The following UNC5D variants were observed in gnomAD, a reference collection of about 807,000 sequenced individuals.
UNC5D encodes unc-5 netrin receptor D.
A neutral mutation model predicts 105.4 loss-of-function variants in UNC5D; 39 were observed. That is an observed-to-expected ratio of 0.37 (90% CI 0.29 to 0.48). The LOEUF (loss-of-function observed/expected upper bound fraction) is 0.48, where lower values mean the gene tolerates loss of function less well. Ranked by LOEUF, UNC5D falls within the 20% of genes least tolerant of loss-of-function variation. The pLI, the probability that UNC5D is intolerant of heterozygous loss-of-function variation, is 0.98. For synonymous variants in UNC5D, 452 were observed against 450.4 expected (o/e 1.00, Z -0.04); for missense variants, 991 against 1,202.4 (o/e 0.82, Z 2.60).
intron 3 of UNC5D, 22 bp from the exon 4 acceptor site, chr8:35,595,532 C>A: frequency 6.2e-7 from 1 of 1,609,932 alleles, no homozygotes; most frequent in Middle Eastern, 1.7e-4. Context: ...CAAAGTGTCA[C>A]CTATCTCATG....
chr8:35,613,081 C>G (rs1563592193), intron 4 of UNC5D, among the ~76,000 whole-genome samples: 1 of 152,014 alleles, frequency 6.6e-6, no homozygotes, highest in Non-Finnish European at 1.5e-5. Context: ...TGGTTGTGAG[C>G]TCTGTATTTT....
chr8:35,728,832 T>C (rs1829035734), intron 10 of UNC5D, among the ~76,000 whole-genome samples: 2 of 152,192 alleles, frequency 1.3e-5, no homozygotes, highest in South Asian at 4.1e-4. Context: ...AATAAAAGGC[T>C]GTCAGGGTAG....
chr8:35,250,316 A>G (rs1160301324), intron 1 of UNC5D, among the ~76,000 whole-genome samples: 2 of 152,128 alleles, frequency 1.3e-5, no homozygotes. Flanking sequence ...GTTGTTCCCA[A>G]TTTGGGAACT....
At chr8:35,612,835 C>T (rs1391445021) in intron 4 of UNC5D, among the ~76,000 whole-genome samples, 5 of 140,178 alleles carry the variant, frequency 3.6e-5, no homozygotes, top group African/African-American at 5.4e-5. Flanking sequence ...GGATATCTGT[C>T]ATGTTTTCCA....
chr8:35,562,416 T>C (rs1817028376), intron 2 of UNC5D, among the ~76,000 whole-genome samples: 1 of 152,158 alleles, frequency 6.6e-6, no homozygotes, highest in African/African-American at 2.4e-5. Flanking sequence ...TTATACTGTC[T>C]TCTATAGTGA....
chr8:35,437,101 G>A (rs1471260266), intron 1 of UNC5D, among the ~76,000 whole-genome samples: 2 of 151,754 alleles, frequency 1.3e-5, no homozygotes, highest in Non-Finnish European at 2.9e-5. Context: ...AGCTTCATGA[G>A]CACCTGGGAT....
In UNC5D at chr8:35,711,173, G is replaced by GTTTTGTTTT. The variant is rs549700013; in HGVS notation, c.1117+5213_1117+5221dup. On this transcript the variant is annotated intron_variant, in intron 8 of 16. Coordinates refer to ENST00000404895, the MANE Select transcript of UNC5D (RefSeq NM_080872.4). ...GATCTGGTCCCGGCTTTCTGTTTTTGTTTTGTTTTGTTTTGTTTTGTTTTG... is the reference window on the plus strand; with the variant it reads ...GATCTGGTCCCGGCTTTCTGTTTTTGTTTTGTTTTTTTTGTTTTGTTTTGTTTTGTTTTG... 4.0e-5 allele frequency among the ~76,000 whole-genome samples: 6 copies of GTTTTGTTTT among 149,468 alleles called. No individual in the cohort carries two copies. In the South Asian group the frequency reaches 6.4e-4, roughly 16 times the overall value.
intron 1 of UNC5D, among the ~76,000 whole-genome samples, chr8:35,495,605 G>C (rs1381361484): frequency 6.6e-6 from 1 of 151,926 alleles, no homozygotes; most frequent in Non-Finnish European, 1.5e-5. Flanking sequence ...GCTAATTTCT[G>C]CCTGACTTAT....
intron 1 of UNC5D, among the ~76,000 whole-genome samples, chr8:35,267,667 G>A (rs764572651): frequency 3.3e-5 from 5 of 152,088 alleles, no homozygotes; most frequent in Admixed American, 2.0e-4. Flanking sequence ...TTGAACTCCT[G>A]ACCTTGTAAT....
chr8:35,710,240 G>C (rs1024474304), intron 8 of UNC5D, among the ~76,000 whole-genome samples: 2 of 152,128 alleles, frequency 1.3e-5, no homozygotes, highest in African/African-American at 4.8e-5. Flanking sequence ...TTGTAAAAAT[G>C]GGTCATATTC....
chr8:35,633,446 T>TA, intron 4 of UNC5D, among the ~76,000 whole-genome samples: 1 of 151,932 alleles, frequency 6.6e-6, no homozygotes, highest in African/African-American at 2.4e-5. Flanking sequence ...GATTTTTTTT[T>TA]AAAAAAAAAT....
intron 11 of UNC5D, among the ~76,000 whole-genome samples, chr8:35,732,488 C>A (rs1829245438): frequency 6.6e-6 from 1 of 152,150 alleles, no homozygotes; most frequent in South Asian, 2.1e-4. Context: ...GAAGAGTTTA[C>A]TCAAAATCTT....
chr8:35,612,324 C>T (rs1405957198), intron 4 of UNC5D, among the ~76,000 whole-genome samples: 2 of 152,098 alleles, frequency 1.3e-5, no homozygotes, highest in Non-Finnish European at 2.9e-5. Context: ...TGGCTGATCA[C>T]TAGGAGCAGA....
At chr8:35,332,193 T>C (rs535153973) in intron 1 of UNC5D, among the ~76,000 whole-genome samples, 15 of 152,322 alleles carry the variant, frequency 9.8e-5, no homozygotes, top group Admixed American at 9.1e-4. Flanking sequence ...GCTAGGAGTA[T>C]ACATACCTAG....
chr8:35,748,077 C>T (rs1044652254), intron 11 of UNC5D, among the ~76,000 whole-genome samples: 2 of 152,172 alleles, frequency 1.3e-5, no homozygotes, highest in African/African-American at 4.8e-5. Context: ...TTTGCTTTAT[C>T]ATTTACCAGC....
chr8:35,307,488 A>G (rs769265430), intron 1 of UNC5D, among the ~76,000 whole-genome samples: 1 of 152,186 alleles, frequency 6.6e-6, no homozygotes, highest in African/African-American at 2.4e-5. Context: ...TTTGACTGGT[A>G]CTAGTTACTA....
At chr8:35,544,271 T>TG in intron 1 of UNC5D, 1 of 1,140,944 alleles carries the variant, frequency 8.8e-7, no homozygotes. Context: ...CCTGAACAGC[T>TG]GATGGCATTA....
intron 2 of UNC5D, 120 bp from the exon 3 acceptor site, chr8:35,567,978 C>T: frequency 1.4e-6 from 2 of 1,436,258 alleles, no homozygotes; most frequent in Admixed American, 2.2e-5. Context: ...TAATTAAAAC[C>T]TTGCCTTGAT....
chr8:35,765,205 G>C (rs985500016), intron 14 of UNC5D, among the ~76,000 whole-genome samples: 1 of 152,148 alleles, frequency 6.6e-6, no homozygotes, highest in Non-Finnish European at 1.5e-5. Context: ...TCTAACATGA[G>C]TGCCTCTTGT....
Sources: allele counts gnomAD v4.1 joint callset (sites outside exome capture counted in the v4.1 genomes callset), GRCh38; gene constraint gnomAD v4.1.1; transcripts MANE v1.5; gene names NCBI Gene and HGNC (gene_info 2026-07-23, HGNC 2026-07-21).